Variants in ESR2 observed in about 807,000 individuals in gnomAD.
The protein encoded by ESR2 is estrogen receptor beta.
Under a neutral mutation model 49.6 loss-of-function variants are expected in ESR2, and 36 were observed. The observed-to-expected ratio is 0.73, with a 90% CI of 0.56 to 0.96. The LOEUF is 0.96. ESR2 is among the 40% of genes least tolerant of loss of function. ESR2 has a pLI of 0.00. For synonymous variants in ESR2, 320 were observed against 266.1 expected, an observed-to-expected ratio of 1.20 and a Z score of -1.97; for missense variants, 714 against 693.0, an observed-to-expected ratio of 1.03 and a Z score of -0.34.
At chr14:64,328,365 G>A (rs766336938) in intron 1 of ESR2, among the ~76,000 whole-genome samples, 1 of 152,030 alleles carries the variant, frequency 6.6e-6, no homozygotes, top group Non-Finnish European at 1.5e-5. Context: ...GTTGCAGTGA[G>A]CTGAAATTGC....
intron 1 of ESR2, among the ~76,000 whole-genome samples, chr14:64,301,891 T>C (rs910722413): frequency 5.9e-5 from 9 of 151,998 alleles, no homozygotes; most frequent in Non-Finnish European, 1.0e-4. Flanking sequence ...ACTTCCCAGG[T>C]GTACAGAAGC....
At chr14:64,276,850 T>A (rs1385932271) in intron 3 of ESR2, among the ~76,000 whole-genome samples, 1 of 152,190 alleles carries the variant, frequency 6.6e-6, no homozygotes. Context: ...ACTCTGTGTA[T>A]AAGCCCAATT....
At chr14:64,252,666 G>A (rs2140690154) in intron 6 of ESR2, among the ~76,000 whole-genome samples, 1 of 152,178 alleles carries the variant, frequency 6.6e-6, no homozygotes, top group African/African-American at 2.4e-5. Context: ...AGACAGCCGG[G>A]AGCTGCCAAA....
In ESR2 at chr14:64,284,883, A is replaced by G. The variant is rs972913304; in HGVS notation, c.-90-1808T>C. ...TTTTTTTTTTGAGACGGAGTCTCGC[A>G]CTGTCACCCAGGCTGGAGTGCAGTG... On this transcript the variant is annotated intron_variant, in intron 1 of 8. Transcript: ENST00000341099. 2.5e-4 allele frequency among the ~76,000 whole-genome samples: 34 copies of G among 138,264 alleles called. No homozygotes were observed. The Admixed American group carries it at 2.5e-3, about 10-fold the overall frequency. 90.7% of individuals were successfully genotyped at this position (138,264 alleles called of 152,430 possible). A position where few individuals can be genotyped will look rare whatever the true frequency, so the allele number is the denominator to read the frequency against.
Position 64,280,120 on chromosome 14 carries a change from A to T in ESR2, c.396T>A (p.Arg132=), listed in dbSNP as rs746096082. ...CTGGACCAGTAACAGGGCTGGCGCA[A>T]CGGTTCCCACTAACCTTCCTTTTCA... ...ETLKRKVSGN[R]CASPVTGPGS... is the part of the protein sequence containing the mutation. Residue 132 remains arginine, a synonymous_variant, in exon 3 of 9, where the codon CGT becomes CGA. Transcript: ENST00000341099. The T allele has an allele frequency of 1.2e-6, 2 of 1,614,118 alleles. No individual in the cohort carries two copies. Among genetic ancestry groups the T allele is most frequent in the South Asian group, 2.2e-5 (2 of 91,082 alleles).
intron 1 of ESR2, among the ~76,000 whole-genome samples, chr14:64,321,859 T>C (rs542409812): frequency 4.1e-4 from 62 of 152,084 alleles, no homozygotes; most frequent in Middle Eastern, 3.4e-3. Flanking sequence ...AGCTAAACAT[T>C]GAATACACAT....
intron 7 of ESR2, among the ~76,000 whole-genome samples, chr14:64,240,374 C>T (rs922444747): frequency 2.0e-5 from 3 of 152,240 alleles, no homozygotes; most frequent in African/African-American, 7.2e-5. Context: ...AGCCTTTTGA[C>T]TTAAGAGACC....
At position 64,233,200 on chromosome 14, in the gene ESR2, G is replaced by T; in HGVS notation, c.1530C>A (p.Ser510=). Reference sequence around the variant, plus strand: ...TACTGTCCTCTGCCGGGCTGCACTCGGACCCCGTGATGGAGGACTTGCACC... The same window carrying T: ...TACTGTCCTCTGCCGGGCTGCACTCTGACCCCGTGATGGAGGACTTGCACC... ...LRGCKSSITG[S]ECSPAEDSKS... The change falls in exon 9 of 9, where the codon TCC becomes TCA. Residue 510 remains serine, a synonymous_variant. Transcript: ENST00000341099. 1 of 1,614,098 alleles carries T rather than the reference G, an allele frequency of 6.2e-7. No homozygotes were observed. Among genetic ancestry groups the T allele is most frequent in the Non-Finnish European group, 8.5e-7 (1 of 1,179,996 alleles).
At chr14:64,251,523 T>C (rs2075990393) in intron 6 of ESR2, among the ~76,000 whole-genome samples, 1 of 152,270 alleles carries the variant, frequency 6.6e-6, no homozygotes, top group African/African-American at 2.4e-5. Context: ...TTCCTCAATA[T>C]TGAAATTGGT....
intron 3 of ESR2, among the ~76,000 whole-genome samples, chr14:64,275,106 G>C (rs1450067697): frequency 1.3e-5 from 2 of 152,260 alleles, no homozygotes; most frequent in Middle Eastern, 3.4e-3. Flanking sequence ...ATATCTATTA[G>C]GTCCATTTGG....
intron 7 of ESR2, among the ~76,000 whole-genome samples, chr14:64,241,329 C>G (rs1459686372): frequency 6.6e-6 from 1 of 152,120 alleles, no homozygotes; most frequent in Non-Finnish European, 1.5e-5. Flanking sequence ...ACTCTCTGTT[C>G]CATTGATCTA....
At chr14:64,331,840 A>AAG (rs2077463839) in intron 1 of ESR2, among the ~76,000 whole-genome samples, 1 of 150,860 alleles carries the variant, frequency 6.6e-6, no homozygotes, top group Non-Finnish European at 1.5e-5. Context: ...AAAAAAAAAA[A>AAG]AAAAGAATCC....
At chr14:64,305,603 G>A (rs946987704) in intron 1 of ESR2, among the ~76,000 whole-genome samples, 19 of 147,254 alleles carry the variant, frequency 1.3e-4, no homozygotes, top group South Asian at 2.2e-4. Context: ...CCAGGGCAGC[G>A]GAGCTTGCAG....
chr14:64,321,549 C>A, intron 1 of ESR2, among the ~76,000 whole-genome samples: 1 of 151,960 alleles, frequency 6.6e-6, no homozygotes, highest in Non-Finnish European at 1.5e-5. Flanking sequence ...GGGAATGGAA[C>A]CAAAAACAAT....
chr14:64,310,301 T>TAATAATAATAATAAC (rs1348631272), intron 1 of ESR2, among the ~76,000 whole-genome samples: 1 of 147,420 alleles, frequency 6.8e-6, no homozygotes, highest in Admixed American at 6.8e-5. Flanking sequence ...ATAATAATAA[T>TAATAATAATAATAAC]AATAATAATA....
intron 1 of ESR2, among the ~76,000 whole-genome samples, chr14:64,327,403 A>G (rs954619515): frequency 2.7e-5 from 4 of 147,626 alleles, no homozygotes; most frequent in Admixed American, 2.7e-4. Flanking sequence ...TCTACTAAAA[A>G]TACAAAATTA....
intron 1 of ESR2, among the ~76,000 whole-genome samples, chr14:64,284,049 C>G (rs914850769): frequency 6.6e-5 from 10 of 152,004 alleles, no homozygotes; most frequent in Admixed American, 5.9e-4. Flanking sequence ...GCCTCAGCCT[C>G]ACGAGTAGCT....
At chr14:64,235,206 T>C in intron 7 of ESR2, 56 bp from the exon 8 acceptor site, 1 of 1,568,380 alleles carries the variant, frequency 6.4e-7, no homozygotes. Context: ...GCAGAAGTCG[T>C]GTGCTCAGCT....
intron 4 of ESR2, among the ~76,000 whole-genome samples, chr14:64,267,229 A>G (rs1325469462): frequency 6.6e-6 from 1 of 152,206 alleles, no homozygotes; most frequent in Non-Finnish European, 1.5e-5. Flanking sequence ...CCTATTCATA[A>G]TATGTTTGAG....
Sources: allele counts gnomAD v4.1 joint callset (sites outside exome capture counted in the v4.1 genomes callset), GRCh38; gene constraint gnomAD v4.1.1; transcripts MANE v1.5; gene names NCBI Gene and HGNC (gene_info 2026-07-23, HGNC 2026-07-21).